The following PIN1 variants were observed in gnomAD, a reference collection of about 807,000 sequenced individuals.
PIN1 encodes the protein peptidylprolyl cis/trans isomerase, NIMA-interacting 1.
In PIN1, 8 loss-of-function variants were observed where a neutral mutation model predicts 19.9. The observed-to-expected ratio is 0.40, with a 90% confidence interval of 0.24 to 0.72. The LOEUF (loss-of-function observed/expected upper bound fraction) is 0.72, where lower values mean the gene tolerates loss of function less well. Among genes scored for constraint, PIN1 ranks in the 30% least tolerant of loss-of-function variants. The pLI is 0.37. For synonymous variants in PIN1, 86 were observed against 90.8 expected (o/e 0.95, Z 0.30); for missense variants, 185 against 226.5 (o/e 0.82, Z 1.18).
intron 2 of PIN1, among the ~76,000 whole-genome samples, chr19:9,842,686 C>T (rs772770207): frequency 3.3e-5 from 5 of 152,168 alleles, no homozygotes; most frequent in Non-Finnish European, 7.4e-5. Context: ...CCTCAGAGGT[C>T]GATAGGAGGA....
At chr19:9,844,736 A>C (rs2046202527) in intron 2 of PIN1, among the ~76,000 whole-genome samples, 1 of 152,228 alleles carries the variant, frequency 6.6e-6, no homozygotes, top group Admixed American at 6.5e-5. Flanking sequence ...AGGCCCAGGA[A>C]GTCTGGCCTT....
intron 2 of PIN1, among the ~76,000 whole-genome samples, chr19:9,840,258 G>A (rs1390119778): frequency 1.3e-5 from 2 of 152,062 alleles, no homozygotes; most frequent in Admixed American, 6.5e-5. Context: ...GCATGGTGGC[G>A]GGCACCTGTA....
intron 2 of PIN1, among the ~76,000 whole-genome samples, chr19:9,845,041 G>A (rs1381452184): frequency 1.3e-5 from 2 of 152,122 alleles, no homozygotes; most frequent in Non-Finnish European, 2.9e-5. Context: ...CTAACACAGT[G>A]GGGGATTAGG....
In PIN1 at chr19:9,849,469, G is replaced by A. The variant is rs779230821; in HGVS notation, c.*270G>A. 7.0e-6 allele frequency: 5 copies of A among 714,546 alleles called. No homozygotes were observed. Among genetic ancestry groups the A allele is most frequent in the Non-Finnish European group, 1.3e-5 (5 of 385,508 alleles). The allele number at this position is 714,546 out of a possible 1,614,324, so 44.3% of individuals were successfully genotyped here. A position where few individuals can be genotyped will look rare whatever the true frequency, so the allele number is the denominator to read the frequency against. On this transcript the variant is annotated 3_prime_UTR_variant, in exon 4 of 4. Transcript: ENST00000247970. Reference sequence around the variant, plus strand: ...GTGGGAGGCTCCCAGACCCAGGGCAGTGTGGTGGGAGGGGTGTTCCAAAGA... The same window carrying A: ...GTGGGAGGCTCCCAGACCCAGGGCAATGTGGTGGGAGGGGTGTTCCAAAGA...
In PIN1 at chr19:9,848,057, A is replaced by G; in HGVS notation, c.299A>G (p.Glu100Gly). ...NGYIQKIKSG[E>G]EDFESLASQF... ...TACATCCAGAAGATCAAGTCGGGAG[A>G]GGAGGACTTTGAGTCTCTGGCCTCA... The change falls in exon 3 of 4, where the codon GAG becomes GGG. Residue 100 changes from glutamate to glycine, a missense_variant. Physicochemically the swap from Glu to Gly is moderately conservative, Grantham distance 98 (BLOSUM62 -2). Transcript: ENST00000247970. 1.2e-6 allele frequency: 2 copies of G among 1,612,402 alleles called. No homozygotes were observed. Among genetic ancestry groups the G allele is most frequent in the Non-Finnish European group, 1.7e-6 (2 of 1,178,662 alleles).
At chr19:9,835,674 G>T (rs933025174) in intron 1 of PIN1, 1 of 459,000 alleles carries the variant, frequency 2.2e-6, no homozygotes, top group Non-Finnish European at 3.8e-6. Context: ...CGGCCCGGCT[G>T]ATACCTCTCG....
Position 9,835,378 on chromosome 19 carries a change from G to A in PIN1, c.34G>A (p.Glu12Lys). The A allele has an allele frequency of 6.6e-7, 1 of 1,521,208 alleles. No individual in the cohort carries two copies. The highest frequency in any genetic ancestry group is 8.8e-7 in the Non-Finnish European group (1 of 1,141,332). 94.2% of individuals were successfully genotyped at this position (1,521,208 alleles called of 1,614,324 possible). The change falls in exon 1 of 4, where the codon GAG (glutamate) becomes AAG (lysine). Residue 12 changes from glutamate to lysine, a missense_variant. Transcript: ENST00000247970. ...ADEEKLPPGWEKRMSRSSGRV... is the reference protein window; with the variant it reads ...ADEEKLPPGWKKRMSRSSGRV... ...CGAGGAGAAGCTGCCGCCCGGCTGG[G>A]AGAAGCGCATGAGCCGCAGCTCAGG... is the stretch of plus-strand genomic sequence containing the variant.
intron 2 of PIN1, among the ~76,000 whole-genome samples, chr19:9,842,553 C>T (rs1017299687): frequency 1.3e-5 from 2 of 152,190 alleles, no homozygotes; most frequent in Non-Finnish European, 2.9e-5. Flanking sequence ...CCCCACAGCC[C>T]GTAGAAAGAG....
chr19:9,848,833 T>C (rs991447710), intron 3 of PIN1, among the ~76,000 whole-genome samples: 1 of 152,120 alleles, frequency 6.6e-6, no homozygotes, highest in African/African-American at 2.4e-5. Context: ...GGCCCCTAAA[T>C]GCACGGCGGC....
intron 1 of PIN1, chr19:9,837,515 G>C (rs2046120882): frequency 6.5e-6 from 1 of 154,122 alleles, no homozygotes; most frequent in Non-Finnish European, 1.4e-5. Flanking sequence ...AGGCTGGAGT[G>C]CAGTGGCATG....
intron 2 of PIN1, among the ~76,000 whole-genome samples, chr19:9,844,370 G>C (rs2046198562): frequency 6.6e-6 from 1 of 152,208 alleles, no homozygotes; most frequent in Admixed American, 6.6e-5. Context: ...TCACCTGCCA[G>C]ACTCTCATTG....
At position 9,846,554 on chromosome 19, in the gene PIN1, C is replaced by T. The variant is rs1032822511; in HGVS notation, c.272-1476C>T. 1.3e-5 allele frequency among the ~76,000 whole-genome samples: 2 copies of T among 152,148 alleles called. No individual in the cohort carries two copies. Among genetic ancestry groups the T allele is most frequent in the Non-Finnish European group, 2.9e-5 (2 of 68,024 alleles). ...ACAGGGAGCTATGGCTGTGCTCTCA[C>T]GGTGGTACCATTTCCACTGCAGTCC... On this transcript the variant is annotated intron_variant, in intron 2 of 3. Transcript: ENST00000247970. The surrounding 1 kb of genome is among the most constrained non-coding windows in gnomAD (Gnocchi z 5.9).
At chr19:9,836,376 G>A (rs189043702) in intron 1 of PIN1, 1 of 160,526 alleles carries the variant, frequency 6.2e-6, no homozygotes, top group Admixed American at 6.0e-5. Flanking sequence ...GAGGTGCAGG[G>A]AGATTAGAGC....
chr19:9,845,277 T>C (rs983555810), intron 2 of PIN1, among the ~76,000 whole-genome samples: 1 of 136,184 alleles, frequency 7.3e-6, no homozygotes, highest in Non-Finnish European at 1.6e-5. Flanking sequence ...TGTTTGTTTG[T>C]TTGAAATGGA....
In PIN1 at chr19:9,838,616, G is replaced by T; in HGVS notation, c.239G>T (p.Arg80Leu). The T allele has an allele frequency of 6.5e-7, 1 of 1,548,928 alleles. No individual in the cohort carries two copies. Among genetic ancestry groups the T allele is most frequent in the East Asian group, 2.4e-5 (1 of 41,322 alleles). The change falls in exon 2 of 4, where the codon CGG becomes CTG. Residue 80 changes from arginine to leucine, a missense_variant. Transcript: ENST00000247970. This position sits in a 1 kb window ranked among gnomAD's most constrained non-coding sequence, Gnocchi z 5.8. Reference protein sequence around the residue: ...PSSWRQEKITRTKEEALELIN... With the variant: ...PSSWRQEKITLTKEEALELIN... ...TCCTGGCGGCAGGAGAAGATCACCC[G>T]GACCAAGGAGGAGGCCCTGGAGCTG...
chr19:9,843,351 C>G (rs142263070), intron 2 of PIN1, among the ~76,000 whole-genome samples: 1 of 152,392 alleles, frequency 6.6e-6, no homozygotes, highest in Non-Finnish European at 1.5e-5. Context: ...CACCTCTTTC[C>G]CCGACCAGGC....
In PIN1 at chr19:9,837,148, T is replaced by C. The variant is rs878884230; in HGVS notation, c.59-1288T>C. 2.2e-5 allele frequency: 6 copies of C among 269,028 alleles called. No homozygotes were observed. In the Admixed American group the frequency reaches 2.7e-4, roughly 12 times the overall value. 16.7% of individuals were successfully genotyped at this position (269,028 alleles called of 1,614,324 possible). On this transcript the variant is annotated intron_variant, in intron 1 of 3. Transcript: ENST00000247970. ...CATGGCTAATTTTTTATTTTTTATT[T>C]TTTATTGTTTGTTTGTTTGTTTTGA...
chr19:9,835,480 C>A, intron 1 of PIN1, 78 bp downstream of exon 1: 1 of 1,019,430 alleles, frequency 9.8e-7, no homozygotes, highest in Non-Finnish European at 1.3e-6. Flanking sequence ...TTGGGCGCGG[C>A]GGCAGCGCTG....
At chr19:9,835,483 C>T (rs2046093151) in intron 1 of PIN1, 81 bp downstream of exon 1, 2 of 969,434 alleles carry the variant, frequency 2.1e-6, no homozygotes, top group East Asian at 3.2e-5. Context: ...GGCGCGGCGG[C>T]AGCGCTGCCT....
Sources: gnomAD v4.1 joint callset for allele counts (sites outside exome capture counted in the v4.1 genomes callset) on GRCh38, gnomAD v4.1.1 for gene constraint, Gnocchi (gnomAD v3.1) non-coding constraint, MANE v1.5 for transcripts, NCBI Gene and HGNC (gene_info 2026-07-23, HGNC 2026-07-21) for gene names.